The following WDR59 variants were observed in gnomAD, a reference collection of about 807,000 sequenced individuals.
WDR59 encodes GATOR2 complex protein WDR59.
WDR59 carries 100 observed loss-of-function variants against 131.2 expected under a neutral mutation model. That is an observed-to-expected ratio of 0.76 (90% CI 0.65 to 0.90). The LOEUF (loss-of-function observed/expected upper bound fraction) is 0.90, where lower values mean the gene tolerates loss of function less well. Ranked by LOEUF, WDR59 falls within the 40% of genes least tolerant of loss-of-function variation. The pLI is 0.00. For missense variants in WDR59, 1,203 were observed against 1,262.2 expected (o/e 0.95, Z 0.71); for synonymous variants, 601 against 466.2 (o/e 1.29, Z -3.72).
intron 2 of WDR59, among the ~76,000 whole-genome samples, chr16:74,958,620 A>AAAAAAAAAAAAAAAAAG (rs1199806175): frequency 7.1e-6 from 1 of 141,050 alleles, no homozygotes; most frequent in Non-Finnish European, 1.5e-5. Flanking sequence ...AAAAAAAAAA[A>AAAAAAAAAAAAAAAAAG]CAAGCTAAAT....
intron 18 of WDR59, among the ~76,000 whole-genome samples, chr16:74,897,798 A>G (rs1179298389): frequency 6.6e-6 from 1 of 152,230 alleles, no homozygotes; most frequent in Non-Finnish European, 1.5e-5. Flanking sequence ...GCTGCAAAAT[A>G]CTGTCACTGT....
At chr16:74,981,393 A>AAC (rs1449121027) in intron 1 of WDR59, among the ~76,000 whole-genome samples, 2 of 148,298 alleles carry the variant, frequency 1.3e-5, no homozygotes, top group Non-Finnish European at 1.5e-5. Context: ...AAACAAAAAA[A>AAC]ACACACACAC....
At chr16:74,881,638 G>A (rs1157244089) in intron 25 of WDR59, among the ~76,000 whole-genome samples, 3 of 152,006 alleles carry the variant, frequency 2.0e-5, no homozygotes, top group African/African-American at 7.2e-5. Flanking sequence ...ACTTTGGGAG[G>A]CCCAGGTGGG....
rs951428095 is a variant in WDR59 at position 74,873,283 on chromosome 16, T to G, written c.*926A>C. The G allele has an allele frequency of 6.6e-6, 1 of 152,184 alleles. No homozygotes were observed. The highest frequency in any genetic ancestry group is 1.5e-5 in the Non-Finnish European group (1 of 68,084). 9.4% of individuals were successfully genotyped at this position (152,184 alleles called of 1,614,324 possible). ...CTGGTCTCGAACTCCTGAGCTCAGGTGATCCCCTCACTTTTGCCTTCTAAA... is the reference window on the plus strand; with the variant it reads ...CTGGTCTCGAACTCCTGAGCTCAGGGGATCCCCTCACTTTTGCCTTCTAAA... On this transcript the variant is annotated 3_prime_UTR_variant, in exon 26 of 26. Transcript: ENST00000262144.
Position 74,915,858 on chromosome 16 carries a change from T to C in WDR59, c.1224+12A>G, listed in dbSNP as rs1437996723. 2 of 1,614,226 alleles carry C rather than the reference T, an allele frequency of 1.2e-6. No homozygotes were observed. Among genetic ancestry groups the C allele is most frequent in the Non-Finnish European group, 1.7e-6 (2 of 1,180,028 alleles). ...TCAGCAAACATGAGATACAGTTGAT[T>C]AAACTAAGTACCTCCACATTGACAT... On this transcript the variant is annotated intron_variant, in intron 13 of 25. Coordinates refer to ENST00000262144, the MANE Select transcript of WDR59 (RefSeq NM_030581.4).
chr16:74,892,271 G>A (rs144068654), intron 20 of WDR59, among the ~76,000 whole-genome samples: 133 of 152,194 alleles, frequency 8.7e-4, no homozygotes, highest in Non-Finnish European at 1.4e-3. Context: ...AAAATTCATC[G>A]ATGCTTTAGG....
intron 18 of WDR59, among the ~76,000 whole-genome samples, chr16:74,901,130 T>C (rs115821265): frequency 0.025 from 3,741 of 151,872 alleles, 75 homozygotes; most frequent in African/African-American, 0.048. Flanking sequence ...CTATACTGGC[T>C]GGGTGAGATG....
rs2033079647 is a variant in WDR59, at chr16:74,952,775, A to G, written c.241-1232T>C. 1.3e-5 allele frequency among the ~76,000 whole-genome samples: 2 copies of G among 151,100 alleles called. 1 individual carries two copies. The highest frequency in any genetic ancestry group is 1.3e-4 in the Admixed American group (2 of 15,170). On this transcript the variant is annotated intron_variant, in intron 3 of 25. Coordinates refer to ENST00000262144, the MANE Select transcript of WDR59 (RefSeq NM_030581.4). Reference sequence around the variant, plus strand: ...CTTAATAATTTTTTAAATTATATATATATATATATACACATTAGACTGATT... The same window carrying G: ...CTTAATAATTTTTTAAATTATATATGTATATATATACACATTAGACTGATT...
intron 1 of WDR59, among the ~76,000 whole-genome samples, chr16:74,984,009 G>A (rs142921891): frequency 6.6e-6 from 1 of 152,102 alleles, no homozygotes; most frequent in African/African-American, 2.4e-5. Flanking sequence ...AGGCACGGTG[G>A]CCCACGCCTG....
chr16:74,948,349 C>G (rs539879980), intron 6 of WDR59, among the ~76,000 whole-genome samples, 170 bp downstream of exon 6: 8 of 152,308 alleles, frequency 5.3e-5, no homozygotes, highest in Non-Finnish European at 1.2e-4. Flanking sequence ...CTAAAGTGAG[C>G]CCCTTGCAAC....
In WDR59 at chr16:74,888,298, G is replaced by T; in HGVS notation, c.2217C>A (p.Leu739=). Residue 739 remains leucine (L), a synonymous_variant, in exon 22 of 26, where the codon CTC becomes CTA. Transcript: ENST00000262144. ...LESLLAHYCR[L]RDVQTLAMLC... ...GCATCGCCAGTGTCTGAACATCCCG[G>T]AGCCGGCAATAGTGAGCCAACCTGA... 6.2e-7 allele frequency: 1 copy of T among 1,613,666 alleles called. No individual in the cohort carries two copies. Among genetic ancestry groups the T allele is most frequent in the East Asian group, 2.2e-5 (1 of 44,870 alleles).
intron 6 of WDR59, among the ~76,000 whole-genome samples, chr16:74,943,917 G>A (rs907662420): frequency 2.6e-5 from 4 of 152,124 alleles, no homozygotes; most frequent in Non-Finnish European, 5.9e-5. Context: ...TGAGACATAA[G>A]GTATCTTATG....
chr16:74,974,614 T>C (rs1029553617), intron 1 of WDR59, among the ~76,000 whole-genome samples: 1 of 152,146 alleles, frequency 6.6e-6, no homozygotes, highest in Non-Finnish European at 1.5e-5. Context: ...CCACTGCTCC[T>C]TAACTAGTAA....
intron 2 of WDR59, among the ~76,000 whole-genome samples, chr16:74,964,272 G>A (rs112638305): frequency 0.03 from 4,551 of 151,822 alleles, 99 homozygotes; most frequent in Middle Eastern, 0.058. Flanking sequence ...CCAGGTACTC[G>A]GGAGGCTGAG....
intron 5 of WDR59, among the ~76,000 whole-genome samples, chr16:74,948,771 G>T (rs1431238351): frequency 6.6e-6 from 1 of 152,124 alleles, no homozygotes; most frequent in Non-Finnish European, 1.5e-5. Context: ...GGAGGCTAAG[G>T]TGGGCGGATC....
In WDR59 at chr16:74,871,475, TG is replaced by T. The variant is rs1964011541; in HGVS notation, c.*2733del. 1 of 152,258 alleles carries T rather than the reference TG, an allele frequency of 6.6e-6. No individual in the cohort carries two copies. 9.4% of individuals were successfully genotyped at this position (152,258 alleles called of 1,614,324 possible). A position where few individuals can be genotyped will look rare whatever the true frequency, so the allele number is the denominator to read the frequency against. On this transcript the variant is annotated 3_prime_UTR_variant, in exon 26 of 26. Coordinates refer to ENST00000262144, the MANE Select transcript of WDR59 (RefSeq NM_030581.4). ...ATTTTAAAATATTAGACTTTTGTTC[TG>T]GTAACTTGGAAATTCAAAAGGAATT... is the stretch of plus-strand genomic sequence containing the variant.
At chr16:74,925,400 T>C (rs763202238) in intron 8 of WDR59, among the ~76,000 whole-genome samples, 9 of 151,826 alleles carry the variant, frequency 5.9e-5, no homozygotes, top group Middle Eastern at 3.2e-3. Flanking sequence ...AAAAATTAGC[T>C]GGGCATGGTG....
chr16:74,882,970 T>A (rs1440328194), intron 25 of WDR59, among the ~76,000 whole-genome samples: 1 of 150,552 alleles, frequency 6.6e-6, no homozygotes, highest in Non-Finnish European at 1.5e-5. Flanking sequence ...GCTCCCTAGA[T>A]GAAATCCTTT....
chr16:74,956,653 A>T, intron 2 of WDR59, 43 bp from the exon 3 acceptor site: 1 of 1,594,786 alleles, frequency 6.3e-7, no homozygotes. Flanking sequence ...AAAACACAAC[A>T]TCATTAGCAT....
Sources: allele counts gnomAD v4.1 joint callset (sites outside exome capture counted in the v4.1 genomes callset), GRCh38; gene constraint gnomAD v4.1.1; transcripts MANE v1.5; gene names NCBI Gene and HGNC (gene_info 2026-07-23, HGNC 2026-07-21).